The following FAM89A variants were observed in gnomAD, a reference collection of about 807,000 sequenced individuals.
The protein encoded by FAM89A is protein FAM89A.
A neutral mutation model predicts 7.1 loss-of-function variants in FAM89A; 10 were observed. The ratio of observed to expected loss-of-function variants is 1.40; its 90% CI spans 0.86 to 2.38. The LOEUF is 2.38. FAM89A is among the 30% of genes most tolerant of loss of function. FAM89A has a pLI of 0.00. For synonymous variants in FAM89A, 157 were observed against 129.3 expected, an observed-to-expected ratio of 1.21 and a Z score of -1.45; for missense variants, 276 against 262.8, an observed-to-expected ratio of 1.05 and a Z score of -0.35.
intron 1 of FAM89A, among the ~76,000 whole-genome samples, chr1:231,033,966 C>CT (rs1680116398): frequency 6.6e-6 from 1 of 152,090 alleles, no homozygotes; most frequent in Non-Finnish European, 1.5e-5. Context: ...AATATATATT[C>CT]TTTTTTCAGT....
chr1:231,035,788 G>A (rs1022837554), intron 1 of FAM89A, among the ~76,000 whole-genome samples: 2 of 152,198 alleles, frequency 1.3e-5, no homozygotes, highest in Admixed American at 1.3e-4. Flanking sequence ...ATATAGAACG[G>A]GGTCTGCAGT....
intron 1 of FAM89A, chr1:231,021,496 C>T (rs893442182): frequency 6.2e-6 from 4 of 648,918 alleles, no homozygotes; most frequent in Admixed American, 5.7e-5. Flanking sequence ...AATTCTTTTG[C>T]AAGCCAGATG....
At chr1:231,024,915 T>C (rs1214473309) in intron 1 of FAM89A, among the ~76,000 whole-genome samples, 2 of 48,314 alleles carry the variant, frequency 4.1e-5, no homozygotes, top group African/African-American at 1.8e-4. Context: ...ACAACTACTC[T>C]TTTTTTTTTT....
chr1:231,030,960 A>G (rs920056057), intron 1 of FAM89A, among the ~76,000 whole-genome samples: 10 of 152,130 alleles, frequency 6.6e-5, no homozygotes, highest in African/African-American at 2.4e-4. Context: ...AAATATAAAA[A>G]TCAGCTGGGT....
intron 1 of FAM89A, among the ~76,000 whole-genome samples, chr1:231,036,372 C>T (rs1448891183): frequency 6.6e-6 from 1 of 152,084 alleles, no homozygotes; most frequent in Non-Finnish European, 1.5e-5. Context: ...CTAACATACA[C>T]CCAGTAATCA....
In FAM89A at chr1:231,039,974, G is replaced by C; in HGVS notation, c.238C>G (p.Pro80Ala). 1 of 1,375,658 alleles carries C rather than the reference G, an allele frequency of 7.3e-7. No homozygotes were observed. The allele number at this position is 1,375,658 out of a possible 1,614,324, so 85.2% of individuals were successfully genotyped here. Residue 80 changes from proline (P) to alanine (A), a missense_variant, in exon 1 of 2, where the codon CCC becomes GCC. Pro to Ala is a conservative substitution (Grantham distance 27, BLOSUM62 -1). Coordinates refer to ENST00000366654, the MANE Select transcript of FAM89A (RefSeq NM_198552.3). ...GCGTCCAGGTTGGGAGGCTTGGCGG[G>C]CAGCGCTGCCGCCCGGGCCCCGCCG... ...GGGGARAAAL[P>A]AKPPNLDAAL...
At position 231,040,206 on chromosome 1, in the gene FAM89A, A is replaced by G; in HGVS notation, c.6T>C (p.Ser2=). 1.1e-5 allele frequency: 12 copies of G among 1,074,456 alleles called. No individual in the cohort carries two copies. The highest frequency in any genetic ancestry group is 6.9e-5 in the East Asian group (1 of 14,556). 66.6% of individuals were successfully genotyped at this position (1,074,456 alleles called of 1,614,324 possible). The change falls in exon 1 of 2, where the codon AGT becomes AGC. Residue 2 remains serine, a synonymous_variant. Transcript: ENST00000366654. The part of the protein sequence containing the change: M[S]GARAAPGAAG... ...CGGCCCCGGGCGCCGCCCGGGCCCC[A>G]CTCATCGCGCCGCGGCCCGGCCACG... is the stretch of plus-strand genomic sequence containing the variant.
At position 231,029,500 on chromosome 1, in the gene FAM89A, G is replaced by GA. The variant is rs113526940; in HGVS notation, c.292-9375dup. On this transcript the variant is annotated intron_variant, in intron 1 of 1. Transcript: ENST00000366654. ...GAGCAAGACCCTGTCTCAAAAAAAAGAAAAAAAAAAAGAATGACAAAGGCC... is the reference window on the plus strand; with the variant it reads ...GAGCAAGACCCTGTCTCAAAAAAAAGAAAAAAAAAAAAGAATGACAAAGGCC... 8.4e-3 allele frequency among the ~76,000 whole-genome samples: 1,167 copies of GA among 139,300 alleles called. 17 individuals are homozygous for GA. The highest frequency in any genetic ancestry group is 0.029 in the African/African-American group (1,068 of 37,236). 91.4% of individuals were successfully genotyped at this position (139,300 alleles called of 152,430 possible).
intron 1 of FAM89A, among the ~76,000 whole-genome samples, chr1:231,021,281 T>A (rs534227222): frequency 9.2e-5 from 14 of 152,348 alleles, no homozygotes; most frequent in African/African-American, 3.4e-4. Context: ...ATAATTTCTC[T>A]TATGGAGCTA....
intron 1 of FAM89A, among the ~76,000 whole-genome samples, chr1:231,033,880 G>A (rs1388579931): frequency 6.6e-6 from 1 of 152,112 alleles, no homozygotes; most frequent in Non-Finnish European, 1.5e-5. Context: ...ATGAAGCCAG[G>A]CAATGACCCA....
intron 1 of FAM89A, among the ~76,000 whole-genome samples, chr1:231,036,584 C>T (rs1025364437): frequency 6.6e-6 from 1 of 151,906 alleles, no homozygotes; most frequent in Non-Finnish European, 1.5e-5. Flanking sequence ...AGTGTTGAAA[C>T]GTGGAGCTGA....
intron 1 of FAM89A, among the ~76,000 whole-genome samples, chr1:231,039,709 C>G (rs1680223354): frequency 6.6e-6 from 1 of 152,090 alleles, no homozygotes; most frequent in East Asian, 1.9e-4. Context: ...CCGCCCTCTG[C>G]GCGCGGGGCT....
intron 1 of FAM89A, chr1:231,022,327 T>G (rs1333590699): frequency 1.6e-6 from 1 of 629,332 alleles, no homozygotes; most frequent in East Asian, 2.7e-5. Flanking sequence ...CCCTTCCTTT[T>G]GTTATCTCCA....
chr1:231,039,887 C>T (rs1680228878), intron 1 of FAM89A, 34 bp downstream of exon 1: 1 of 1,285,060 alleles, frequency 7.8e-7, no homozygotes, highest in Non-Finnish European at 9.8e-7. Flanking sequence ...CGAGCCCGGC[C>T]GGGAAGAGCC....
At chr1:231,020,573 G>A (rs1202908952) in intron 1 of FAM89A, among the ~76,000 whole-genome samples, 1 of 152,148 alleles carries the variant, frequency 6.6e-6, no homozygotes, top group African/African-American at 2.4e-5. Context: ...AACTCCCAGG[G>A]GCAACAGAAT....
At chr1:231,021,225 T>C (rs1679871868) in intron 1 of FAM89A, among the ~76,000 whole-genome samples, 1 of 152,248 alleles carries the variant, frequency 6.6e-6, no homozygotes, top group Non-Finnish European at 1.5e-5. Context: ...GAGCAAGGTA[T>C]TTATCACCTT....
chr1:231,040,037 G>C lies in FAM89A; in HGVS notation c.175C>G (p.Arg59Gly). Residue 59 changes from arginine to glycine, a missense_variant, in exon 1 of 2, where the codon CGC becomes GGC. Coordinates refer to ENST00000366654, the MANE Select transcript of FAM89A (RefSeq NM_198552.3). ...CCGCGGCTCAGCTCGTCCTGGATGC[G>C]CGACTTCTGCGCGTACAGCCGCTCC... ...HLERLYAQKS[R>G]IQDELSRGGP... The C allele has an allele frequency of 1.4e-6, 2 of 1,444,348 alleles. No homozygotes were observed. Among genetic ancestry groups the C allele is most frequent in the Non-Finnish European group, 9.1e-7 (1 of 1,101,622 alleles). 89.5% of individuals were successfully genotyped at this position (1,444,348 alleles called of 1,614,324 possible). A position where few individuals can be genotyped will look rare whatever the true frequency, so the allele number is the denominator to read the frequency against.
chr1:231,022,834 T>C (rs1345975971), intron 1 of FAM89A, among the ~76,000 whole-genome samples: 2 of 152,184 alleles, frequency 1.3e-5, no homozygotes, highest in Non-Finnish European at 2.9e-5. Flanking sequence ...CCACCAGATG[T>C]AGCACTATTA....
intron 1 of FAM89A, among the ~76,000 whole-genome samples, chr1:231,038,482 C>G (rs1469850542): frequency 1.3e-5 from 2 of 152,218 alleles, no homozygotes; most frequent in Non-Finnish European, 2.9e-5. Flanking sequence ...ACTTCACCCC[C>G]GTGGTTCTGC....
Sources: gnomAD v4.1 joint callset for allele counts (sites outside exome capture counted in the v4.1 genomes callset) on GRCh38, gnomAD v4.1.1 for gene constraint, MANE v1.5 for transcripts, NCBI Gene and HGNC (gene_info 2026-07-23, HGNC 2026-07-21) for gene names.